Variants in NT5DC1 observed in about 807,000 individuals in gnomAD.
The protein encoded by NT5DC1 is 5'-nucleotidase domain containing 1.
In NT5DC1, 42 loss-of-function variants were observed where a neutral mutation model predicts 59.4. The observed-to-expected ratio is 0.71, with a 90% CI of 0.55 to 0.92. The LOEUF (loss-of-function observed/expected upper bound fraction) is 0.92, where lower values mean the gene tolerates loss of function less well. Ranked by LOEUF, NT5DC1 falls within the 40% of genes least tolerant of loss-of-function variation. The pLI, the probability that NT5DC1 is intolerant of heterozygous loss-of-function variation, is 0.00. For missense variants in NT5DC1, 501 were observed against 537.1 expected (o/e 0.93, Z 0.66); for synonymous variants, 172 against 188.1 (o/e 0.91, Z 0.70).
intron 2 of NT5DC1, among the ~76,000 whole-genome samples, chr6:116,107,157 G>C (rs1484293866): frequency 6.6e-6 from 1 of 150,992 alleles, no homozygotes; most frequent in Non-Finnish European, 1.5e-5. Context: ...TCATGCCACT[G>C]CATTCCAGCC....
intron 6 of NT5DC1, among the ~76,000 whole-genome samples, chr6:116,157,836 G>C (rs1366816798): frequency 6.6e-6 from 1 of 152,176 alleles, no homozygotes; most frequent in Non-Finnish European, 1.5e-5. Flanking sequence ...ACCTATTCAG[G>C]ATCCTTCTGA....
At position 116,244,311 on chromosome 6, in the gene NT5DC1, A is replaced by T; in HGVS notation, c.*287A>T. The stretch of plus-strand genomic sequence containing the variant: ...CTCACACGCACAGTCACTCTTACAC[A>T]TATGCCTAGTCCAGTGGTTCTCAAA... On this transcript the variant is annotated 3_prime_UTR_variant, in exon 12 of 12. Transcript: ENST00000319550. 1 of 196,970 alleles carries T rather than the reference A, an allele frequency of 5.1e-6. No homozygotes were observed. The highest frequency in any genetic ancestry group is 1.0e-5 in the Non-Finnish European group (1 of 97,034). 12.2% of individuals were successfully genotyped at this position (196,970 alleles called of 1,614,324 possible). A position where few individuals can be genotyped will look rare whatever the true frequency, so the allele number is the denominator to read the frequency against.
intron 6 of NT5DC1, among the ~76,000 whole-genome samples, chr6:116,156,922 C>T (rs775755832): frequency 2.0e-4 from 31 of 152,224 alleles, no homozygotes; most frequent in Non-Finnish European, 3.1e-4. Context: ...GTAAGTAGCC[C>T]CTGGTGCATT....
chr6:116,115,546 G>C (rs923462067), intron 4 of NT5DC1, 145 bp from the exon 5 acceptor site: 2 of 422,238 alleles, frequency 4.7e-6, no homozygotes, highest in Non-Finnish European at 8.6e-6. Flanking sequence ...GACAATGACA[G>C]CCAATAATGG....
At chr6:116,215,916 T>C (rs1435718787) in intron 6 of NT5DC1, among the ~76,000 whole-genome samples, 1 of 152,174 alleles carries the variant, frequency 6.6e-6, no homozygotes, top group African/African-American at 2.4e-5. Context: ...GGCAGTTTGA[T>C]GGCTTTGGAG....
chr6:116,164,351 C>CT (rs1370821761), intron 6 of NT5DC1, among the ~76,000 whole-genome samples: 1 of 152,078 alleles, frequency 6.6e-6, no homozygotes, highest in Non-Finnish European at 1.5e-5. Flanking sequence ...CCTTCTTTGT[C>CT]TTTTTTTACT....
intron 6 of NT5DC1, among the ~76,000 whole-genome samples, chr6:116,170,056 C>A (rs746546819): frequency 1.3e-5 from 2 of 152,078 alleles, no homozygotes; most frequent in African/African-American, 4.8e-5. Flanking sequence ...GAGCCATAAG[C>A]GACATTGTCC....
chr6:116,109,743 G>C (rs1286330817), intron 3 of NT5DC1, among the ~76,000 whole-genome samples: 1 of 152,136 alleles, frequency 6.6e-6, no homozygotes, highest in Non-Finnish European at 1.5e-5. Context: ...GAGCCCATTT[G>C]TGATTTTCCC....
chr6:116,186,317 A>G (rs1414898373), intron 6 of NT5DC1, among the ~76,000 whole-genome samples: 3 of 143,696 alleles, frequency 2.1e-5, no homozygotes, highest in African/African-American at 5.2e-5. Context: ...TTTTTTTTTC[A>G]TCTTCACTTT....
At chr6:116,122,622 C>T (rs1282727004) in intron 6 of NT5DC1, among the ~76,000 whole-genome samples, 2 of 152,148 alleles carry the variant, frequency 1.3e-5, no homozygotes, top group Non-Finnish European at 2.9e-5. Flanking sequence ...GCTGTGAGTT[C>T]ACTTGACCTG....
In NT5DC1 at chr6:116,169,005, GTT is replaced by G. The variant is rs564756457; in HGVS notation, c.529+51062_529+51063del. On this transcript the variant is annotated intron_variant, in intron 6 of 11. Transcript: ENST00000319550. ...ATTAACTTCTAATAAACCCTGGAGA[GTT>G]TATTAGCCTCTACCTAACCTTGGCA... 2.3e-3 allele frequency among the ~76,000 whole-genome samples: 344 copies of G among 152,282 alleles called. 2 individuals are homozygous for G. Among genetic ancestry groups the G allele is most frequent in the African/African-American group, 8.1e-3 (338 of 41,546 alleles).
chr6:116,227,933 C>G (rs1781942006), intron 8 of NT5DC1, among the ~76,000 whole-genome samples: 1 of 151,944 alleles, frequency 6.6e-6, no homozygotes, highest in African/African-American at 2.4e-5. Flanking sequence ...TGACTGTTTT[C>G]TTTGTGGTTG....
intron 2 of NT5DC1, among the ~76,000 whole-genome samples, chr6:116,107,872 A>T (rs868180075): frequency 3.9e-5 from 6 of 152,108 alleles, no homozygotes; most frequent in Middle Eastern, 6.8e-3. Flanking sequence ...GCGCCTGGCC[A>T]TAGTGGTTTT....
intron 6 of NT5DC1, among the ~76,000 whole-genome samples, chr6:116,215,053 C>G (rs1324751022): frequency 6.6e-6 from 1 of 152,016 alleles, no homozygotes; most frequent in Non-Finnish European, 1.5e-5. Flanking sequence ...CAGAATAGAA[C>G]CCAGTTATCA....
chr6:116,248,252 C>G lies in NT5DC1; in HGVS notation c.*4228C>G, dbSNP rs935637948. ...ACTTTCTGGACCTCTGTTTTCTCAA[C>G]TATTTAAATGGAAATAATAAAACTT... On this transcript the variant is annotated 3_prime_UTR_variant, in exon 12 of 12. Coordinates refer to ENST00000319550, the MANE Select transcript of NT5DC1 (RefSeq NM_152729.3). 2.0e-5 allele frequency: 3 copies of G among 152,160 alleles called. No homozygotes were observed. The highest frequency in any genetic ancestry group is 4.4e-5 in the Non-Finnish European group (3 of 68,024). The allele number at this position is 152,160 out of a possible 1,614,324, so 9.4% of individuals were successfully genotyped here. A position where few individuals can be genotyped will look rare whatever the true frequency, so the allele number is the denominator to read the frequency against.
At chr6:116,215,769 G>C (rs1781677279) in intron 6 of NT5DC1, among the ~76,000 whole-genome samples, 1 of 152,148 alleles carries the variant, frequency 6.6e-6, no homozygotes, top group Non-Finnish European at 1.5e-5. Flanking sequence ...GCCAAGTGCA[G>C]ACAATATGGC....
At chr6:116,216,761 T>C (rs1781695000) in intron 6 of NT5DC1, among the ~76,000 whole-genome samples, 1 of 152,156 alleles carries the variant, frequency 6.6e-6, no homozygotes, top group Admixed American at 6.6e-5. Flanking sequence ...TAAATTTATC[T>C]CTTTTATCCT....
At chr6:116,112,318 A>G (rs1778894921) in intron 4 of NT5DC1, among the ~76,000 whole-genome samples, 1 of 152,220 alleles carries the variant, frequency 6.6e-6, no homozygotes, top group African/African-American at 2.4e-5. Context: ...TTAAAAAATA[A>G]TATGAGTTTT....
At chr6:116,196,344 A>G (rs967495937) in intron 6 of NT5DC1, among the ~76,000 whole-genome samples, 4 of 152,060 alleles carry the variant, frequency 2.6e-5, no homozygotes, top group Non-Finnish European at 4.4e-5. Context: ...TGCTCTAACT[A>G]CAGCAACAAA....
Sources: gnomAD v4.1 joint callset for allele counts (sites outside exome capture counted in the v4.1 genomes callset) on GRCh38, gnomAD v4.1.1 for gene constraint, MANE v1.5 for transcripts, NCBI Gene and HGNC (gene_info 2026-07-23, HGNC 2026-07-21) for gene names.